MYO5B: variants seen among roughly 807,000 people sequenced by gnomAD.
MYO5B encodes myosin VB, also known as unconventional myosin-Vb.
Under a neutral mutation model 229.3 loss-of-function variants are expected in MYO5B, and 143 were observed. That is an observed-to-expected ratio of 0.62 (90% confidence interval 0.54 to 0.72). MYO5B has a LOEUF of 0.72. MYO5B is among the 30% of genes least tolerant of loss of function. The pLI is 0.00. For synonymous variants in MYO5B, 918 were observed against 885.2 expected, an observed-to-expected ratio of 1.04 and a Z score of -0.66; for missense variants, 2,321 against 2,331.0, an observed-to-expected ratio of 1.00 and a Z score of 0.09.
intron 1 of MYO5B, among the ~76,000 whole-genome samples, chr18:50,143,011 C>A (rs116970430): frequency 0.014 from 2,104 of 152,336 alleles, 22 homozygotes; most frequent in Non-Finnish European, 0.02. Context: ...AAAACGCCAT[C>A]ACTTCTTCAC....
chr18:49,991,613 G>C (rs1276239278), intron 6 of MYO5B, among the ~76,000 whole-genome samples: 1 of 152,156 alleles, frequency 6.6e-6, no homozygotes, highest in South Asian at 2.1e-4. Context: ...GGACATCTGG[G>C]AATTGAACAA....
intron 33 of MYO5B, among the ~76,000 whole-genome samples, chr18:49,845,884 A>G (rs948316153): frequency 6.6e-6 from 1 of 152,220 alleles, no homozygotes; most frequent in Non-Finnish European, 1.5e-5. Flanking sequence ...CAAGCTGCAC[A>G]GGTCACACAG....
chr18:49,855,888 C>A (rs915243459), intron 30 of MYO5B, among the ~76,000 whole-genome samples: 1 of 152,238 alleles, frequency 6.6e-6, no homozygotes, highest in Non-Finnish European at 1.5e-5. Flanking sequence ...GCTCCGCCAC[C>A]ACCTGGCTGA....
At chr18:50,174,667 CGTG>C (rs566413504) in intron 1 of MYO5B, among the ~76,000 whole-genome samples, 173 of 152,254 alleles carry the variant, frequency 1.1e-3, no homozygotes, top group African/African-American at 4.0e-3. Context: ...AGCCAGCCAT[CGTG>C]AGTTCCTTCA....
intron 1 of MYO5B, among the ~76,000 whole-genome samples, chr18:50,136,160 A>T (rs1177985898): frequency 6.6e-6 from 1 of 152,172 alleles, no homozygotes; most frequent in East Asian, 1.9e-4. Flanking sequence ...TCACAGGAGG[A>T]TGAAACTGAT....
chr18:49,972,707 A>T (rs999030649), intron 10 of MYO5B, among the ~76,000 whole-genome samples: 2 of 152,184 alleles, frequency 1.3e-5, no homozygotes, highest in Non-Finnish European at 2.9e-5. Context: ...ACACATAATT[A>T]ATGATTGACA....
intron 14 of MYO5B, among the ~76,000 whole-genome samples, chr18:49,950,499 A>G (rs143262350): frequency 6.6e-6 from 1 of 152,356 alleles, no homozygotes; most frequent in East Asian, 1.9e-4. Context: ...ATTCATTGCT[A>G]CATTATTTGA....
At chr18:49,860,097 G>A (rs1245148986) in intron 29 of MYO5B, among the ~76,000 whole-genome samples, 2 of 152,144 alleles carry the variant, frequency 1.3e-5, no homozygotes, top group Admixed American at 1.3e-4. Flanking sequence ...GGAGCTGCTA[G>A]GAGGTTTTCT....
chr18:49,941,258 T>C (rs1457375079), intron 14 of MYO5B, among the ~76,000 whole-genome samples: 1 of 152,238 alleles, frequency 6.6e-6, no homozygotes, highest in Non-Finnish European at 1.5e-5. Flanking sequence ...CTTAGTTCCC[T>C]GGCCTGGGTT....
intron 36 of MYO5B, among the ~76,000 whole-genome samples, chr18:49,838,310 C>T (rs1372392533): frequency 1.3e-5 from 2 of 152,196 alleles, no homozygotes; most frequent in Non-Finnish European, 2.9e-5. Context: ...TGAGGTCACA[C>T]TGATAGGGAG....
At chr18:50,187,305 A>G (rs2033161782) in intron 1 of MYO5B, among the ~76,000 whole-genome samples, 2 of 152,206 alleles carry the variant, frequency 1.3e-5, no homozygotes, top group Non-Finnish European at 2.9e-5. Flanking sequence ...TCTTCAATAA[A>G]AGGAAACTGA....
At chr18:50,043,810 G>A (rs181250607) in intron 2 of MYO5B, among the ~76,000 whole-genome samples, 1 of 151,096 alleles carries the variant, frequency 6.6e-6, no homozygotes, top group Non-Finnish European at 1.5e-5. Context: ...ACCAAACATT[G>A]TATGTTCTCA....
intron 1 of MYO5B, among the ~76,000 whole-genome samples, chr18:50,108,592 T>C (rs2031805739): frequency 6.6e-6 from 1 of 152,162 alleles, no homozygotes; most frequent in Non-Finnish European, 1.5e-5. Context: ...CTAGACCGGC[T>C]ACATGTTTCA....
At chr18:50,180,523 C>T (rs1025643263) in intron 1 of MYO5B, among the ~76,000 whole-genome samples, 1 of 152,150 alleles carries the variant, frequency 6.6e-6, no homozygotes, top group Non-Finnish European at 1.5e-5. Context: ...ACCCGCTCCC[C>T]GAGTTTAGTT....
At chr18:50,003,339 T>C (rs549610826) in intron 4 of MYO5B, among the ~76,000 whole-genome samples, 83 of 152,326 alleles carry the variant, frequency 5.4e-4, no homozygotes, top group African/African-American at 1.9e-3. Context: ...ATTTGGGGGA[T>C]AGAATTACCA....
In MYO5B at chr18:49,843,267, T is replaced by C. The variant is rs2024082709; in HGVS notation, c.4585A>G (p.Ile1529Val). The change falls in exon 34 of 40, where the codon ATC becomes GTC. Residue 1529 changes from isoleucine (I) to valine (V), a missense_variant. Physicochemically the swap from Ile to Val is conservative, Grantham distance 29. Coordinates refer to ENST00000285039, the MANE Select transcript of MYO5B (RefSeq NM_001080467.3). ...LKVHSLLTST[I>V]NGIKKVLKKH... ...TTCAGGACTTTCTTAATGCCGTTGA[T>C]GGTGGAGGTCAGCAGGGAGTGCACC... is the stretch of plus-strand genomic sequence containing the variant. 3.1e-6 allele frequency: 5 copies of C among 1,614,044 alleles called. No individual in the cohort carries two copies. The highest frequency in any genetic ancestry group is 2.7e-5 in the African/African-American group (2 of 74,896).
chr18:49,827,954 A>G (rs665194), intron 39 of MYO5B, among the ~76,000 whole-genome samples: 82,574 of 151,770 alleles, frequency 0.54, 23,063 homozygotes, highest in Middle Eastern at 0.7. Flanking sequence ...ACATACAGTC[A>G]TCCCTCAGTA....
intron 2 of MYO5B, among the ~76,000 whole-genome samples, chr18:50,053,104 T>C (rs2030445970): frequency 6.6e-6 from 1 of 152,204 alleles, no homozygotes; most frequent in African/African-American, 2.4e-5. Flanking sequence ...ACGTAATTTC[T>C]GTGCTCCTGC....
At chr18:49,971,343 TG>T (rs2025690233) in intron 10 of MYO5B, among the ~76,000 whole-genome samples, 1 of 151,998 alleles carries the variant, frequency 6.6e-6, no homozygotes, top group Non-Finnish European at 1.5e-5. Flanking sequence ...GCAGGTTTGG[TG>T]GGTTTCTGGA....
Sources: allele counts gnomAD v4.1 joint callset (sites outside exome capture counted in the v4.1 genomes callset), GRCh38; gene constraint gnomAD v4.1.1; transcripts MANE v1.5; gene names NCBI Gene and HGNC (gene_info 2026-07-23, HGNC 2026-07-21).